Variants in ERC1 observed in about 807,000 individuals in gnomAD.
The protein encoded by ERC1 is ELKS/RAB6-interacting/CAST family member 1.
ERC1 carries 56 observed loss-of-function variants against 132.0 expected under a neutral mutation model. That is an observed-to-expected ratio of 0.42 (90% CI 0.34 to 0.53). ERC1 has a LOEUF of 0.53. Ranked by LOEUF, ERC1 falls within the 20% of genes least tolerant of loss-of-function variation. The pLI is 0.03. For missense variants in ERC1, 1,202 were observed against 1,349.9 expected (o/e 0.89, Z 1.72); for synonymous variants, 478 against 476.1 (o/e 1.00, Z -0.05).
intron 2 of ERC1, among the ~76,000 whole-genome samples, chr12:1,041,388 G>C (rs1439304914): frequency 6.6e-6 from 1 of 152,056 alleles, no homozygotes; most frequent in South Asian, 2.1e-4. Context: ...TGTATTTTTA[G>C]TAGAGACAGG....
intron 14 of ERC1, among the ~76,000 whole-genome samples, chr12:1,277,849 T>C (rs1354214005): frequency 6.6e-6 from 1 of 152,214 alleles, no homozygotes; most frequent in African/African-American, 2.4e-5. Flanking sequence ...ATATAGAAAG[T>C]ATATTTTTAA....
chr12:1,196,555 G>A (rs563050985), intron 12 of ERC1, among the ~76,000 whole-genome samples: 3 of 149,492 alleles, frequency 2.0e-5, no homozygotes, highest in South Asian at 4.3e-4. Flanking sequence ...GTGTAGTGGC[G>A]TGATGACAGC....
Position 1,463,149 on chromosome 12 carries a change from C to T in ERC1, c.3213+18399C>T, listed in dbSNP as rs577210679. Among the ~76,000 whole-genome samples, 6 of 152,270 alleles carry T rather than the reference C, an allele frequency of 3.9e-5. No individual in the cohort carries two copies. The South Asian group carries it at 1.0e-3, about 26-fold the overall frequency. Reference sequence around the variant, plus strand: ...GGATTCCTTTCTCCATTTGTTTTCTCGGTTTTGCTCACTTACTCTTTAACT... The same window carrying T: ...GGATTCCTTTCTCCATTTGTTTTCTTGGTTTTGCTCACTTACTCTTTAACT... On this transcript the variant is annotated intron_variant, in intron 18 of 18. Coordinates refer to ENST00000360905, the MANE Select transcript of ERC1 (RefSeq NM_178040.4).
rs998631258 is a variant in ERC1 at position 1,294,760 on chromosome 12, T to C, written c.2780+4748T>C. Among the ~76,000 whole-genome samples the C allele has an allele frequency of 2.6e-5, 4 of 152,334 alleles. No homozygotes were observed. In the South Asian group the frequency reaches 8.3e-4, roughly 32 times the overall value. On this transcript the variant is annotated intron_variant, in intron 15 of 18. Coordinates refer to ENST00000360905, the MANE Select transcript of ERC1 (RefSeq NM_178040.4). ...ACCCAGTTGAAGAAAATCTGATATATAATTTACCAGTATGGCAGGTTTTTT... is the reference window on the plus strand; with the variant it reads ...ACCCAGTTGAAGAAAATCTGATATACAATTTACCAGTATGGCAGGTTTTTT...
rs1348319172 is a variant in ERC1, at chr12:1,027,875, C to A, written c.-29C>A. 6.5e-7 allele frequency: 1 copy of A among 1,549,470 alleles called. No individual in the cohort carries two copies. The highest frequency in any genetic ancestry group is 2.3e-5 in the East Asian group (1 of 44,214). On this transcript the variant is annotated 5_prime_UTR_variant, in exon 2 of 19. It adds an upstream start codon to the 5' untranslated region. Transcript: ENST00000360905. ...TTTTGTTGTTGTTGTTGTTGATTTT[C>A]TGCTCACACCTTTCCTGACCTTGCA...
At chr12:1,053,045 T>C (rs1009567730) in intron 2 of ERC1, among the ~76,000 whole-genome samples, 5 of 152,182 alleles carry the variant, frequency 3.3e-5, no homozygotes, top group African/African-American at 1.2e-4. Flanking sequence ...GAATAGTTCA[T>C]GGAATTAATA....
At chr12:1,121,916 T>TGTGC (rs1453021063) in intron 7 of ERC1, among the ~76,000 whole-genome samples, 2 of 7,170 alleles carry the variant, frequency 2.8e-4, no homozygotes, top group Non-Finnish European at 6.4e-4. Context: ...TATCTCTATC[T>TGTGC]CTATCTCTAT....
At chr12:1,041,665 C>A (rs2154160473) in intron 2 of ERC1, among the ~76,000 whole-genome samples, 1 of 152,316 alleles carries the variant, frequency 6.6e-6, no homozygotes, top group African/African-American at 2.4e-5. Flanking sequence ...AATATTATGA[C>A]CTGTGACATC....
In ERC1 at chr12:1,444,640, C is replaced by A. The variant is rs2093252587; in HGVS notation, c.3103C>A (p.His1035Asn). The change falls in exon 18 of 19, where the codon CAT becomes AAT. Residue 1035 changes from histidine (H) to asparagine (N), a missense_variant. Coordinates refer to ENST00000360905, the MANE Select transcript of ERC1 (RefSeq NM_178040.4). ...CATTGGACACCTGACAACCCTCTGC[C>A]ATGACCGAGACCCCCTGATCCTCCG... ...LYIGHLTTLCHDRDPLILRGL... is the reference protein window; with the variant it reads ...LYIGHLTTLCNDRDPLILRGL... 6.2e-7 allele frequency: 1 copy of A among 1,614,050 alleles called. No homozygotes were observed. The highest frequency in any genetic ancestry group is 1.3e-5 in the African/African-American group (1 of 75,014).
chr12:1,383,925 A>G (rs1039935116), intron 16 of ERC1, among the ~76,000 whole-genome samples: 2 of 152,302 alleles, frequency 1.3e-5, no homozygotes, highest in East Asian at 3.9e-4. Flanking sequence ...TCCTCATTTT[A>G]CAGAGAGGGA....
At chr12:1,388,471 G>A (rs2089629873) in intron 16 of ERC1, among the ~76,000 whole-genome samples, 1 of 152,072 alleles carries the variant, frequency 6.6e-6, no homozygotes, top group Non-Finnish European at 1.5e-5. Context: ...AGCCATAGAA[G>A]GCTTCTTATT....
In ERC1 at chr12:1,379,759, C is replaced by A. The variant is rs181336207; in HGVS notation, c.2925+7782C>A. Among the ~76,000 whole-genome samples the A allele has an allele frequency of 3.3e-5, 5 of 152,192 alleles. No individual in the cohort carries two copies. In the East Asian group the frequency reaches 9.6e-4, roughly 29 times the overall value. ...GTGACCCGAGAGAGGAAGAGAGCAA[C>A]CAAAATGGAATTTGCAGTGTCTTCC... On this transcript the variant is annotated intron_variant, in intron 16 of 18. Coordinates refer to ENST00000360905, the MANE Select transcript of ERC1 (RefSeq NM_178040.4).
intron 7 of ERC1, among the ~76,000 whole-genome samples, chr12:1,130,944 G>C (rs780891556): frequency 1.3e-5 from 2 of 152,016 alleles, no homozygotes; most frequent in Admixed American, 6.6e-5. Flanking sequence ...ATTTTTCTCA[G>C]CTTTAAAGTT....
intron 15 of ERC1, among the ~76,000 whole-genome samples, chr12:1,304,766 G>A (rs1594884737): frequency 2.7e-5 from 3 of 109,566 alleles, no homozygotes; most frequent in African/African-American, 9.5e-5. Flanking sequence ...GAAGTCTTCT[G>A]TTTGTTGTAA....
chr12:1,180,284 C>CGCGTGTGTGT lies in ERC1; in HGVS notation c.1738-253_1738-252insTGTGTGTGCG, dbSNP rs1566163172. ...GTGTGTGTGTGTGTGTGTGTGTGTG[C>CGCGTGTGTGT]GCGCACGCGTGTGCGCGCGCGCATA... On this transcript the variant is annotated intron_variant, in intron 8 of 18. Transcript: ENST00000360905. Among the ~76,000 whole-genome samples, 3 of 122,286 alleles carry CGCGTGTGTGT rather than the reference C, an allele frequency of 2.5e-5. 1 individual carries two copies. Among genetic ancestry groups the CGCGTGTGTGT allele is most frequent in the African/African-American group, 1.3e-4 (3 of 23,914 alleles). 80.2% of individuals were successfully genotyped at this position (122,286 alleles called of 152,430 possible). A position where few individuals can be genotyped will look rare whatever the true frequency, so the allele number is the denominator to read the frequency against.
intron 17 of ERC1, among the ~76,000 whole-genome samples, chr12:1,418,620 TTTCTTTCTTTCTTTC>T (rs1565395758): frequency 8.1e-6 from 1 of 123,144 alleles, no homozygotes; most frequent in Non-Finnish European, 1.5e-5. Context: ...TCTTTCTTTC[TTTCTTTCTTTCTTTC>T]TTTCTTTCTC....
intron 3 of ERC1, among the ~76,000 whole-genome samples, chr12:1,094,022 AT>A (rs35812412): frequency 0.21 from 24,900 of 120,216 alleles, 3,092 homozygotes; most frequent in Non-Finnish European, 0.27. Context: ...TTAAAAAGAA[AT>A]TTTTTTTTTT....
At chr12:1,199,735 G>A (rs1405796338) in intron 12 of ERC1, among the ~76,000 whole-genome samples, 2 of 151,646 alleles carry the variant, frequency 1.3e-5, no homozygotes, top group Non-Finnish European at 2.9e-5. Flanking sequence ...CTGATACTGT[G>A]CCATTGCACT....
At chr12:1,100,521 A>G (rs930450753) in intron 3 of ERC1, among the ~76,000 whole-genome samples, 2 of 152,174 alleles carry the variant, frequency 1.3e-5, no homozygotes, top group African/African-American at 2.4e-5. Context: ...GCAAAAGATA[A>G]TGGTGGCTTA....
Sources: gnomAD v4.1 joint callset for allele counts (sites outside exome capture counted in the v4.1 genomes callset) on GRCh38, gnomAD v4.1.1 for gene constraint, MANE v1.5 for transcripts, NCBI Gene and HGNC (gene_info 2026-07-23, HGNC 2026-07-21) for gene names.